Variants in PARG observed in about 807,000 individuals in gnomAD.
PARG encodes the protein mitochondrial poly(ADP-ribose) glycohydrolase.
PARG carries 35 observed loss-of-function variants against 113.0 expected under a neutral mutation model. The observed-to-expected ratio is 0.31, with a 90% CI of 0.24 to 0.41. PARG has a LOEUF of 0.41. PARG is among the 10% of genes least tolerant of loss of function. PARG has a pLI of 1.00. For missense variants in PARG, 797 were observed against 1,169.4 expected (o/e 0.68, Z 4.64); for synonymous variants, 330 against 409.9 (o/e 0.81, Z 2.36).
At chr10:49,926,687 T>C (rs1456731756) in intron 4 of PARG, among the ~76,000 whole-genome samples, 1 of 152,200 alleles carries the variant, frequency 6.6e-6, no homozygotes, top group Non-Finnish European at 1.5e-5. Context: ...CCTTAACCAA[T>C]CGCAAATCAA....
intron 9 of PARG, among the ~76,000 whole-genome samples, chr10:49,877,334 C>CGGG (rs1846992923): frequency 1.3e-5 from 2 of 151,492 alleles, no homozygotes; most frequent in South Asian, 4.2e-4. Context: ...GGGGCTGACA[C>CGGG]TCTGATATTG....
At chr10:49,905,993 A>ATCGCC (rs764820077) in intron 7 of PARG, among the ~76,000 whole-genome samples, 121 of 149,432 alleles carry the variant, frequency 8.1e-4, no homozygotes, top group Non-Finnish European at 1.3e-3. Context: ...GCCCAAGGCG[A>ATCGCC]TGCCAAGTAA....
chr10:49,834,039 T>C (rs1284941819), intron 15 of PARG, among the ~76,000 whole-genome samples: 12 of 152,150 alleles, frequency 7.9e-5, no homozygotes. Flanking sequence ...AGACTGTAAA[T>C]CCTGACAGAT....
chr10:49,896,719 T>C (rs1220419346), intron 7 of PARG, among the ~76,000 whole-genome samples: 1 of 152,232 alleles, frequency 6.6e-6, no homozygotes, highest in Admixed American at 6.5e-5. Flanking sequence ...TTAGTAATCA[T>C]GTATTATCCT....
chr10:49,823,358 C>T (rs1357448591), intron 16 of PARG, among the ~76,000 whole-genome samples: 1 of 151,954 alleles, frequency 6.6e-6, no homozygotes, highest in East Asian at 1.9e-4. Flanking sequence ...AATTTGATAT[C>T]GTTGAGTATT....
chr10:49,834,590 C>T (rs1484598726), intron 15 of PARG, among the ~76,000 whole-genome samples: 1 of 152,032 alleles, frequency 6.6e-6, no homozygotes, highest in East Asian at 1.9e-4. Context: ...GAAAATAAAC[C>T]TCATTCAGTG....
intron 15 of PARG, among the ~76,000 whole-genome samples, chr10:49,837,610 T>C (rs1845007856): frequency 6.6e-6 from 1 of 152,222 alleles, no homozygotes. Flanking sequence ...AAGGGACAAA[T>C]GCTTTAATCT....
At chr10:49,912,854 G>A (rs1554846680) in intron 7 of PARG, among the ~76,000 whole-genome samples, 1 of 152,108 alleles carries the variant, frequency 6.6e-6, no homozygotes, top group Non-Finnish European at 1.5e-5. Flanking sequence ...TGTAGTCCCA[G>A]CTAAACGGGA....
intron 7 of PARG, among the ~76,000 whole-genome samples, chr10:49,913,402 T>C (rs1837304199): frequency 6.6e-6 from 1 of 152,224 alleles, no homozygotes; most frequent in African/African-American, 2.4e-5. Context: ...GATGGAATAT[T>C]ATTGCAACCA....
intron 7 of PARG, among the ~76,000 whole-genome samples, chr10:49,899,648 A>G (rs1848260376): frequency 6.6e-6 from 1 of 152,138 alleles, no homozygotes; most frequent in South Asian, 2.1e-4. Flanking sequence ...ATGGACCTAA[A>G]TAAGACTGTG....
Position 49,933,866 on chromosome 10 carries a change from A to G in PARG, c.582T>C (p.Asp194=). The G allele has an allele frequency of 1.9e-6, 3 of 1,597,820 alleles. No homozygotes were observed. The highest frequency in any genetic ancestry group is 2.6e-6 in the Non-Finnish European group (3 of 1,165,128). Residue 194 remains aspartate, a synonymous_variant, in exon 3 of 18, where the codon GAT becomes GAC. Coordinates refer to ENST00000616448, the MANE Select transcript of PARG (RefSeq NM_003631.5). ...NANIDRSPQN[D]DHSDTDSEEN... is the part of the protein sequence containing the mutation. ...CTTCACTATCTGTGTCACTGTGATC[A>G]TCATTTTGAGGTGACCGATCAATGT...
chr10:49,915,065 A>T (rs558368674), intron 7 of PARG, among the ~76,000 whole-genome samples: 1 of 152,222 alleles, frequency 6.6e-6, no homozygotes, highest in South Asian at 2.1e-4. Context: ...AAGAAACATA[A>T]ATCTTCATGA....
chr10:49,891,039 G>A (rs545763884), intron 7 of PARG, among the ~76,000 whole-genome samples: 2 of 152,350 alleles, frequency 1.3e-5, no homozygotes, highest in South Asian at 4.1e-4. Flanking sequence ...ATCAGGCCGG[G>A]CGTGGTGGCT....
At chr10:49,924,887 C>A (rs556913161) in intron 4 of PARG, among the ~76,000 whole-genome samples, 1 of 151,422 alleles carries the variant, frequency 6.6e-6, no homozygotes, top group African/African-American at 2.4e-5. Context: ...GGTCCCCAAC[C>A]CCCCGGAATC....
intron 7 of PARG, among the ~76,000 whole-genome samples, chr10:49,890,158 TA>T: frequency 6.6e-6 from 1 of 152,112 alleles, no homozygotes; most frequent in Non-Finnish European, 1.5e-5. Flanking sequence ...TACATGATGG[TA>T]AAAAAAGAAA....
chr10:49,911,161 T>C (rs1285821531), intron 7 of PARG, among the ~76,000 whole-genome samples: 1 of 151,860 alleles, frequency 6.6e-6, no homozygotes, highest in Admixed American at 6.6e-5. Flanking sequence ...TGGGTGCCTG[T>C]AATTCCAGCT....
chr10:49,857,009 CAAAAAA>C (rs71270682), intron 13 of PARG, among the ~76,000 whole-genome samples: 1 of 74,620 alleles, frequency 1.3e-5, no homozygotes, highest in Non-Finnish European at 2.5e-5. Context: ...ACCTCTGTCT[CAAAAAA>C]AAAAAAAAAA....
At chr10:49,869,387 C>T (rs562782786) in intron 10 of PARG, 89 bp downstream of exon 10, 7,766 of 664,920 alleles carry the variant, frequency 0.012, 72 homozygotes, top group African/African-American at 0.031. Context: ...GGAAGGTTTA[C>T]GTTAAACACA....
chr10:49,877,749 T>C (rs1243072274), intron 9 of PARG, among the ~76,000 whole-genome samples: 2 of 115,514 alleles, frequency 1.7e-5, no homozygotes, highest in African/African-American at 6.8e-5. Flanking sequence ...GAGTCCATTC[T>C]GATATTTTAA....
Sources: allele counts gnomAD v4.1 joint callset (sites outside exome capture counted in the v4.1 genomes callset), GRCh38; gene constraint gnomAD v4.1.1; transcripts MANE v1.5; gene names NCBI Gene and HGNC (gene_info 2026-07-23, HGNC 2026-07-21).